ZC3H12B: variants seen among roughly 807,000 people sequenced by gnomAD.
The protein encoded by ZC3H12B is probable ribonuclease ZC3H12B.
Under a neutral mutation model 43.9 loss-of-function variants are expected in ZC3H12B, and 7 were observed. The observed-to-expected ratio is 0.16, with a 90% CI of 0.09 to 0.30. The LOEUF is 0.30. Among genes scored for constraint, ZC3H12B ranks in the 10% least tolerant of loss-of-function variants. The pLI is 1.00. For synonymous variants in ZC3H12B, 222 were observed against 241.7 expected (o/e 0.92, Z 0.76); for missense variants, 475 against 670.2 (o/e 0.71, Z 3.22).
the ZC3H12B span, among the ~76,000 whole-genome samples, chrX:65,058,121 G>A: frequency 8.9e-6 from 1 of 112,299 alleles, no homozygotes; most frequent in African/African-American, 3.2e-5. Context: ...TCCATTGCTA[G>A]TGAGGAGCTG....
the ZC3H12B span, among the ~76,000 whole-genome samples, chrX:65,141,689 C>A: frequency 9.1e-6 from 1 of 110,456 alleles, no homozygotes; most frequent in Non-Finnish European, 1.9e-5. Flanking sequence ...CCCTAAGTCC[C>A]CAACATCCAC....
At chrX:65,041,600 A>T in the ZC3H12B span, among the ~76,000 whole-genome samples, 1 of 112,200 alleles carries the variant, frequency 8.9e-6, no homozygotes, top group Non-Finnish European at 1.9e-5. Flanking sequence ...TAAAAACTGT[A>T]GTAGCAATGT....
chrX:65,127,529 G>C, the ZC3H12B span, among the ~76,000 whole-genome samples: 2 of 110,884 alleles, frequency 1.8e-5, no homozygotes, highest in African/African-American at 3.3e-5. Flanking sequence ...ACTTGCCCTA[G>C]GGACACCTGG....
chrX:65,287,521 C>T, the ZC3H12B span, among the ~76,000 whole-genome samples: 1 of 110,077 alleles, frequency 9.1e-6, no homozygotes, highest in Admixed American at 9.7e-5. Context: ...TTTGGGGGGC[C>T]GAGGCAGGTC....
At chrX:65,218,062 C>A in the ZC3H12B span, among the ~76,000 whole-genome samples, 1 of 111,932 alleles carries the variant, frequency 8.9e-6, no homozygotes, top group African/African-American at 3.2e-5. Flanking sequence ...CTAAAAGCAG[C>A]AAAAGAAAAG....
the ZC3H12B span, among the ~76,000 whole-genome samples, chrX:65,239,265 G>A: frequency 9.0e-6 from 1 of 111,247 alleles, no homozygotes; most frequent in Non-Finnish European, 1.9e-5. Flanking sequence ...CCCATATTGG[G>A]TGCATATGTA....
the ZC3H12B span, among the ~76,000 whole-genome samples, chrX:65,312,487 GAA>G: frequency 1.9e-5 from 2 of 105,686 alleles, no homozygotes; most frequent in Non-Finnish European, 3.8e-5. Flanking sequence ...AAACTGTGAG[GAA>G]AAACCCATCT....
At chrX:65,370,456 G>A (rs2066229708) in intron 2 of ZC3H12B, among the ~76,000 whole-genome samples, 1 of 111,836 alleles carries the variant, frequency 8.9e-6, no homozygotes, top group African/African-American at 3.3e-5. Context: ...TAAAAAATAT[G>A]AAAGTACTTT....
At chrX:65,314,575 G>A in the ZC3H12B span, among the ~76,000 whole-genome samples, 1 of 112,064 alleles carries the variant, frequency 8.9e-6, no homozygotes, top group Non-Finnish European at 1.9e-5. Context: ...GAATGAAAGT[G>A]AAACAGAAAA....
chrX:65,295,359 C>T, the ZC3H12B span, among the ~76,000 whole-genome samples: 8 of 111,212 alleles, frequency 7.2e-5, no homozygotes, highest in East Asian at 1.4e-3. Context: ...TTGAACTGAA[C>T]GCTAATAGTG....
the ZC3H12B span, among the ~76,000 whole-genome samples, chrX:65,174,194 G>T: frequency 8.9e-5 from 10 of 111,807 alleles, no homozygotes; most frequent in Non-Finnish European, 1.7e-4. Flanking sequence ...GCTGGGAGGT[G>T]TCTCCCAGTC....
chrX:65,075,850 G>A, the ZC3H12B span, among the ~76,000 whole-genome samples: 1 of 111,898 alleles, frequency 8.9e-6, no homozygotes, highest in Admixed American at 9.4e-5. Flanking sequence ...CTAGGAAGAA[G>A]CCAAGAATTG....
intron 3 of ZC3H12B, among the ~76,000 whole-genome samples, chrX:65,416,195 G>A (rs979320946): frequency 9.0e-6 from 1 of 111,502 alleles, no homozygotes; most frequent in Non-Finnish European, 1.9e-5. Context: ...AGAGGGGCAG[G>A]ATTGAGACAC....
chrX:65,338,827 A>G, the ZC3H12B span, among the ~76,000 whole-genome samples: 2 of 112,226 alleles, frequency 1.8e-5, no homozygotes, highest in Non-Finnish European at 3.8e-5. Context: ...CTTTATGACA[A>G]AAACCCTCAA....
At chrX:65,146,639 G>C in the ZC3H12B span, among the ~76,000 whole-genome samples, 1 of 111,534 alleles carries the variant, frequency 9.0e-6, no homozygotes, top group African/African-American at 3.3e-5. Flanking sequence ...AGATTCTTTT[G>C]TCTCATGGGG....
the ZC3H12B span, among the ~76,000 whole-genome samples, chrX:65,175,486 T>G: frequency 8.9e-6 from 1 of 112,369 alleles, no homozygotes; most frequent in Admixed American, 9.5e-5. Context: ...ATATAAAGAT[T>G]GAAATGTTCC....
At chrX:65,388,410 CT>C (rs1245339508) in intron 2 of ZC3H12B, among the ~76,000 whole-genome samples, 1 of 112,123 alleles carries the variant, frequency 8.9e-6, no homozygotes, top group Non-Finnish European at 1.9e-5. Context: ...ATCACTGATA[CT>C]TTTTCTTCCA....
At chrX:65,414,875 T>C (rs2066942313) in intron 3 of ZC3H12B, among the ~76,000 whole-genome samples, 1 of 112,273 alleles carries the variant, frequency 8.9e-6, no homozygotes, top group African/African-American at 3.2e-5. Flanking sequence ...TAATGATTTG[T>C]TGACAAAGAG....
At chrX:65,328,515 C>G in the ZC3H12B span, 7 of 209,245 alleles carry the variant, frequency 3.3e-5, no homozygotes, top group South Asian at 5.2e-4. Context: ...AATGTTTCCT[C>G]ATTTTCTTTT....
Sources: allele counts gnomAD v4.1 joint callset (sites outside exome capture counted in the v4.1 genomes callset), GRCh38; gene constraint gnomAD v4.1.1; transcripts MANE v1.5; gene names NCBI Gene and HGNC (gene_info 2026-07-23, HGNC 2026-07-21).